GALNT9: variants seen among roughly 807,000 people sequenced by gnomAD.
The protein encoded by GALNT9 is GalNAc transferase 9.
GALNT9 carries 47 observed loss-of-function variants against 63.1 expected under a neutral mutation model. The ratio of observed to expected loss-of-function variants is 0.75; its 90% CI spans 0.59 to 0.95. GALNT9 has a LOEUF of 0.95. Among genes scored for constraint, GALNT9 ranks in the 40% least tolerant of loss-of-function variants. GALNT9 has a pLI of 0.00. For missense variants in GALNT9, 829 were observed against 874.8 expected, an observed-to-expected ratio of 0.95 and a Z score of 0.66; for synonymous variants, 396 against 365.7, an observed-to-expected ratio of 1.08 and a Z score of -0.94.
intron 2 of GALNT9, among the ~76,000 whole-genome samples, chr12:132,271,058 C>T (rs1418290535): frequency 2.0e-5 from 3 of 152,136 alleles, no homozygotes; most frequent in Non-Finnish European, 4.4e-5. Flanking sequence ...CAGCTGCCGC[C>T]GTCCGCTGCT....
At chr12:132,285,247 GC>G (rs1367270490) in intron 2 of GALNT9, among the ~76,000 whole-genome samples, 2 of 152,382 alleles carry the variant, frequency 1.3e-5, no homozygotes, top group South Asian at 2.1e-4. Context: ...CCACTGGGCA[GC>G]CCTGAGCGCC....
At position 132,310,279 on chromosome 12, in the gene GALNT9, T is replaced by A. The variant is rs896850783; in HGVS notation, c.238+18687A>T. On this transcript the variant is annotated intron_variant, in intron 1 of 10. Transcript: ENST00000328957. The surrounding 1 kb of genome is among the most constrained non-coding windows in gnomAD (Gnocchi z 4.8). ...GCCACACCGCGGTTCGGCATTTCAG[T>A]TGGGGTCGGTAACACGCAGAAGTAA... Among the ~76,000 whole-genome samples the A allele has an allele frequency of 6.6e-6, 1 of 152,056 alleles. No individual in the cohort carries two copies. Among genetic ancestry groups the A allele is most frequent in the Non-Finnish European group, 1.5e-5 (1 of 68,008 alleles).
intron 1 of GALNT9, among the ~76,000 whole-genome samples, chr12:132,313,849 T>C (rs1232292401): frequency 3.5e-5 from 2 of 57,254 alleles, no homozygotes; most frequent in Non-Finnish European, 6.2e-5. Context: ...CATCCACATA[T>C]CTACCCATCC....
intron 6 of GALNT9, among the ~76,000 whole-genome samples, chr12:132,229,720 G>A (rs1274641969): frequency 1.3e-5 from 2 of 152,236 alleles, no homozygotes; most frequent in African/African-American, 4.8e-5. Context: ...AGTCCCAGGC[G>A]AGAAAGAAAT....
intron 7 of GALNT9, among the ~76,000 whole-genome samples, chr12:132,201,501 A>G (rs1876111856): frequency 6.6e-6 from 1 of 152,192 alleles, no homozygotes; most frequent in African/African-American, 2.4e-5. Context: ...CGGCCTGGAC[A>G]GACGGCCCCT....
rs141780791 is a variant in GALNT9, at chr12:132,279,877, G to A, written c.419+6373C>T. 1.3e-5 allele frequency: 2 copies of A among 152,062 alleles called. No individual in the cohort carries two copies. Among genetic ancestry groups the A allele is most frequent in the African/African-American group, 2.4e-5 (1 of 41,442 alleles). The allele number at this position is 152,062 out of a possible 1,614,324, so 9.4% of individuals were successfully genotyped here. A position where few individuals can be genotyped will look rare whatever the true frequency, so the allele number is the denominator to read the frequency against. ...TTCCTGGATGCCCAGTGTCCGCCAGGTCTCCTGGATTCACTGTGGTCCCTG... is the reference window on the plus strand; with the variant it reads ...TTCCTGGATGCCCAGTGTCCGCCAGATCTCCTGGATTCACTGTGGTCCCTG... On this transcript the variant is annotated intron_variant, in intron 2 of 10. Coordinates refer to ENST00000328957, the MANE Select transcript of GALNT9 (RefSeq NM_001122636.2). The surrounding 1 kb of genome is among the most constrained non-coding windows in gnomAD (Gnocchi z 4.1).
intron 6 of GALNT9, among the ~76,000 whole-genome samples, chr12:132,206,907 A>G (rs770267051): frequency 2.6e-4 from 39 of 152,056 alleles, no homozygotes; most frequent in Non-Finnish European, 5.0e-4. Flanking sequence ...TCCACAGAAA[A>G]AAACAAAATT....
intron 6 of GALNT9, among the ~76,000 whole-genome samples, chr12:132,231,059 T>C (rs879141848): frequency 0.064 from 2,607 of 40,678 alleles, 53 homozygotes; most frequent in Middle Eastern, 0.1. Flanking sequence ...CAGCGTGGAG[T>C]CCCTAGTGCC....
At chr12:132,243,546 C>T (rs2136905660) in intron 6 of GALNT9, among the ~76,000 whole-genome samples, 3 of 151,706 alleles carry the variant, frequency 2.0e-5, no homozygotes, top group Admixed American at 6.6e-5. Context: ...TGGTCCTTCC[C>T]TCCAGACACC....
intron 5 of GALNT9, among the ~76,000 whole-genome samples, chr12:132,249,181 C>T (rs1262330931): frequency 2.0e-5 from 3 of 152,202 alleles, no homozygotes; most frequent in Admixed American, 6.5e-5. Context: ...AAACAATTTC[C>T]TTGTCCGTGG....
At chr12:132,199,306 C>G (rs749137827) in intron 8 of GALNT9, 37 bp from the exon 9 acceptor site, 7 of 1,480,116 alleles carry the variant, frequency 4.7e-6, no homozygotes, top group Non-Finnish European at 6.5e-6. Flanking sequence ...TCCAGAGTCA[C>G]CCGAGGGTGC....
intron 1 of GALNT9, among the ~76,000 whole-genome samples, chr12:132,304,423 GGGCACAGCCTCGCCC>G (rs1881474619): frequency 9.6e-5 from 6 of 62,184 alleles, no homozygotes; most frequent in Admixed American, 3.2e-4. Flanking sequence ...GCCCTCACCC[GGGCACAGCCTCGCCC>G]GGGCACACCC....
At chr12:132,220,911 G>T (rs1220077394) in intron 6 of GALNT9, among the ~76,000 whole-genome samples, 5 of 151,522 alleles carry the variant, frequency 3.3e-5, no homozygotes, top group Non-Finnish European at 7.4e-5. Flanking sequence ...ACAAAAATTA[G>T]CTGGGTGTGG....
In GALNT9 at chr12:132,246,997, T is replaced by A. The variant is rs1340336683; in HGVS notation, c.1077+913A>T. 4.6e-5 allele frequency among the ~76,000 whole-genome samples: 7 copies of A among 152,346 alleles called. No individual in the cohort carries two copies. In the South Asian group the frequency reaches 8.3e-4, roughly 18 times the overall value. The stretch of plus-strand genomic sequence containing the variant: ...TGCAACTTAATAAACTACATATAAA[T>A]TTTTAAAACTAGCCTTAACTCTTTT... On this transcript the variant is annotated intron_variant, in intron 6 of 10. Transcript: ENST00000328957. The surrounding 1 kb of genome is among the most constrained non-coding windows in gnomAD (Gnocchi z 4.7).
In GALNT9 at chr12:132,263,625, C is replaced by A. The variant is rs566277564; in HGVS notation, c.420-1000G>T. The stretch of plus-strand genomic sequence containing the variant: ...GTTTGTTCCTGCAGGTCTGTCTCCC[C>A]CCGTGACCGGAACGTGAGCGCCCTG... On this transcript the variant is annotated intron_variant, in intron 2 of 10. Transcript: ENST00000328957. Among the ~76,000 whole-genome samples the A allele has an allele frequency of 3.0e-4, 45 of 152,318 alleles. No individual in the cohort carries two copies. The South Asian group carries it at 8.3e-3, about 28-fold the overall frequency.
intron 6 of GALNT9, among the ~76,000 whole-genome samples, chr12:132,208,270 C>T (rs1876810234): frequency 6.6e-6 from 1 of 152,196 alleles, no homozygotes; most frequent in South Asian, 2.1e-4. Flanking sequence ...CTCAGGGGCT[C>T]TCAAGAGGCA....
intron 1 of GALNT9, among the ~76,000 whole-genome samples, chr12:132,303,472 CTCACCCGGGCACAGAA>C (rs1386517767): frequency 7.2e-4 from 89 of 123,296 alleles, no homozygotes; most frequent in African/African-American, 1.6e-3. Context: ...CGGACACACC[CTCACCCGGGCACAGAA>C]TCGCCCAGAC....
At chr12:132,312,839 C>G (rs1428702747) in intron 1 of GALNT9, among the ~76,000 whole-genome samples, 1 of 152,150 alleles carries the variant, frequency 6.6e-6, no homozygotes, top group Non-Finnish European at 1.5e-5. Context: ...AGGGTGGATC[C>G]CCTTCTGCCG....
Position 132,203,553 on chromosome 12 carries a change from C to T in GALNT9, c.1215G>A (p.Met405Ile). ...TGTACACGTGGGACTTGAAGTCATC[C>T]ATCCACACCTCGGCGGCGCGCAGGG... Reference protein sequence around the residue: ...RNALRAAEVWMDDFKSHVYMA... With the variant: ...RNALRAAEVWIDDFKSHVYMA... Residue 405 changes from methionine (M) to isoleucine (I), a missense_variant, in exon 7 of 11, where the codon ATG (methionine) becomes ATA (isoleucine). Transcript: ENST00000328957. 1.2e-6 allele frequency: 2 copies of T among 1,614,018 alleles called. No individual in the cohort carries two copies. Among genetic ancestry groups the T allele is most frequent in the Non-Finnish European group, 1.7e-6 (2 of 1,179,888 alleles).
Sources: allele counts gnomAD v4.1 joint callset (sites outside exome capture counted in the v4.1 genomes callset), GRCh38; gene constraint gnomAD v4.1.1; non-coding constraint Gnocchi (gnomAD v3.1); transcripts MANE v1.5; gene names NCBI Gene and HGNC (gene_info 2026-07-23, HGNC 2026-07-21).